The following SMARCC1 variants were observed in gnomAD, a reference collection of about 807,000 sequenced individuals.
SMARCC1 encodes SWI/SNF complex subunit SMARCC1.
A neutral mutation model predicts 147.4 loss-of-function variants in SMARCC1; 43 were observed. That is an observed-to-expected ratio of 0.29 (90% CI 0.23 to 0.38). The LOEUF is 0.38. Among genes scored for constraint, SMARCC1 ranks in the 10% least tolerant of loss-of-function variants. SMARCC1 has a pLI of 1.00. For missense variants in SMARCC1, 1,119 were observed against 1,381.1 expected (o/e 0.81, Z 3.01); for synonymous variants, 495 against 484.4 (o/e 1.02, Z -0.29).
At chr3:47,654,222 A>G (rs2033229061) in intron 21 of SMARCC1, among the ~76,000 whole-genome samples, 1 of 152,208 alleles carries the variant, frequency 6.6e-6, no homozygotes, top group Non-Finnish European at 1.5e-5. Context: ...GAGAACCAAA[A>G]GACCCTACAA....
chr3:47,595,218 A>G (rs1393620201), intron 26 of SMARCC1, among the ~76,000 whole-genome samples: 2 of 152,028 alleles, frequency 1.3e-5, no homozygotes, highest in Non-Finnish European at 2.9e-5. Context: ...TGTACGGGTT[A>G]AAAAAAATTT....
chr3:47,731,003 C>T (rs1246406992), intron 5 of SMARCC1, among the ~76,000 whole-genome samples: 1 of 152,104 alleles, frequency 6.6e-6, no homozygotes, highest in East Asian at 1.9e-4. Context: ...GTGGCTGTGG[C>T]AATTTCTTAA....
chr3:47,674,729 T>A (rs2033548029), intron 18 of SMARCC1, among the ~76,000 whole-genome samples: 1 of 152,154 alleles, frequency 6.6e-6, no homozygotes, highest in East Asian at 1.9e-4. Context: ...CCTCCCAAAG[T>A]GTTGAGCTTG....
rs2108219365 is a variant in SMARCC1 at position 47,585,304 on chromosome 3, A to ACCT, written c.*2902_*2904dup. ...AGTCTTTAGTTTCGATAAAGGATTA[A>ACCT]CCTCCCCCAACATCCTTGAGAAAGT... On this transcript the variant is annotated 3_prime_UTR_variant, in exon 28 of 28. Transcript: ENST00000254480. 1 of 152,166 alleles carries ACCT rather than the reference A, an allele frequency of 6.6e-6. No individual in the cohort carries two copies. Among genetic ancestry groups the ACCT allele is most frequent in the Non-Finnish European group, 1.5e-5 (1 of 68,002 alleles). The allele number at this position is 152,166 out of a possible 1,614,324, so 9.4% of individuals were successfully genotyped here. A position where few individuals can be genotyped will look rare whatever the true frequency, so the allele number is the denominator to read the frequency against.
chr3:47,662,732 G>T (rs9840859), intron 19 of SMARCC1, 140 bp from the exon 20 acceptor site: 702,170 of 711,722 alleles, frequency 0.99, 346,916 homozygotes, highest in East Asian at 1. Context: ...GGTTTCCTTA[G>T]ATTATTTTCA....
chr3:47,773,188 T>G (rs1376315438), intron 1 of SMARCC1, among the ~76,000 whole-genome samples: 2 of 151,770 alleles, frequency 1.3e-5, no homozygotes, highest in African/African-American at 4.8e-5. Context: ...AGTGCAGCGG[T>G]GCAATCTCGG....
At chr3:47,679,583 C>T (rs757028822) in intron 15 of SMARCC1, among the ~76,000 whole-genome samples, 5 of 152,048 alleles carry the variant, frequency 3.3e-5, no homozygotes, top group East Asian at 1.9e-4. Context: ...TAGGACAGGC[C>T]GGGCTTGGTG....
At chr3:47,757,184 G>C (rs1220868465) in intron 2 of SMARCC1, among the ~76,000 whole-genome samples, 1 of 152,100 alleles carries the variant, frequency 6.6e-6, no homozygotes. Context: ...CCAGGCGTTT[G>C]AGGCCGCAGT....
At chr3:47,666,740 T>C (rs1462884469) in intron 19 of SMARCC1, among the ~76,000 whole-genome samples, 4 of 152,130 alleles carry the variant, frequency 2.6e-5, no homozygotes, top group Non-Finnish European at 5.9e-5. Flanking sequence ...GGGATTTTTT[T>C]TTAAGCTCAT....
chr3:47,610,165 G>C lies in SMARCC1; in HGVS notation c.2944C>G (p.Leu982Val). The change falls in exon 26 of 28, where the codon CTT becomes GTT. Residue 982 changes from leucine to valine, a missense_variant. Leu to Val is a conservative substitution (Grantham distance 32). This residue lies in a region of SMARCC1 where 186 missense variants were observed against 216.5 expected (regional missense o/e 0.86). Transcript: ENST00000254480. ...ATGCCAGGGTGCCCTGCTGCTCCAA[G>C]TGGGGCCAGGCCAGGTCCTCCTGAG... ...QHSGGPGLAP[L>V]GAAGHPGMMP... is the part of the protein sequence containing the mutation. 1.9e-6 allele frequency: 3 copies of C among 1,614,152 alleles called. No homozygotes were observed. The highest frequency in any genetic ancestry group is 2.5e-6 in the Non-Finnish European group (3 of 1,180,042).
At chr3:47,746,888 G>A (rs1391450313) in intron 2 of SMARCC1, among the ~76,000 whole-genome samples, 2 of 151,756 alleles carry the variant, frequency 1.3e-5, no homozygotes, top group Non-Finnish European at 1.5e-5. Context: ...GCATGACCAC[G>A]CCCGGCTAAT....
chr3:47,771,603 G>A (rs1056491203), intron 2 of SMARCC1, among the ~76,000 whole-genome samples: 2 of 151,942 alleles, frequency 1.3e-5, no homozygotes, highest in African/African-American at 2.4e-5. Flanking sequence ...AGCCAGGTGC[G>A]GTGGGTGGTG....
chr3:47,608,867 A>AC (rs1403196021), intron 26 of SMARCC1, among the ~76,000 whole-genome samples: 6 of 151,160 alleles, frequency 4.0e-5, no homozygotes, highest in Admixed American at 2.6e-4. Flanking sequence ...AAAAAAAAAA[A>AC]AAAAAAAGTG....
chr3:47,610,956 G>C (rs1432038590), intron 25 of SMARCC1, among the ~76,000 whole-genome samples: 1 of 152,200 alleles, frequency 6.6e-6, no homozygotes, highest in Non-Finnish European at 1.5e-5. Context: ...CACATTCACG[G>C]AATATTTTAG....
intron 21 of SMARCC1, among the ~76,000 whole-genome samples, chr3:47,654,124 T>C (rs1362667560): frequency 1.3e-5 from 2 of 152,248 alleles, no homozygotes. Context: ...AAAACATACA[T>C]GTAAAAACAC....
At chr3:47,760,703 G>A (rs749999895) in intron 2 of SMARCC1, among the ~76,000 whole-genome samples, 3 of 152,018 alleles carry the variant, frequency 2.0e-5, no homozygotes, top group South Asian at 2.1e-4. Flanking sequence ...ACAAACAAAC[G>A]TCAATCAGCT....
chr3:47,700,886 G>A (rs1387402707), intron 11 of SMARCC1, among the ~76,000 whole-genome samples: 1 of 152,046 alleles, frequency 6.6e-6, no homozygotes, highest in Non-Finnish European at 1.5e-5. Flanking sequence ...TGGTAACTAA[G>A]GTTCATCACA....
At chr3:47,621,120 T>G (rs2032724409) in intron 25 of SMARCC1, among the ~76,000 whole-genome samples, 1 of 151,846 alleles carries the variant, frequency 6.6e-6, no homozygotes, top group South Asian at 2.1e-4. Flanking sequence ...GCCAACATGG[T>G]GAAACCCCGT....
At chr3:47,778,344 T>C (rs1230788425) in intron 1 of SMARCC1, among the ~76,000 whole-genome samples, 1 of 152,154 alleles carries the variant, frequency 6.6e-6, no homozygotes. Context: ...GGTCTCGCTC[T>C]GTTGCCCAGG....
Sources: gnomAD v4.1 joint callset for allele counts (sites outside exome capture counted in the v4.1 genomes callset) on GRCh38, gnomAD v4.1.1 for gene constraint, gnomAD v4.1.1 regional missense constraint, MANE v1.5 for transcripts, NCBI Gene and HGNC (gene_info 2026-07-23, HGNC 2026-07-21) for gene names.